Variants in NMBR observed in about 807,000 individuals in gnomAD.
NMBR encodes the protein neuromedin-B receptor.
Under a neutral mutation model 20.5 loss-of-function variants are expected in NMBR, and 16 were observed. That is an observed-to-expected ratio of 0.78 (90% CI 0.53 to 1.19). NMBR has a LOEUF of 1.19. NMBR is among the 50% of genes most tolerant of loss of function. The probability of loss-of-function intolerance (pLI) is 0.00; values close to 1 mark genes in which losing one functional copy is unlikely to be tolerated. For synonymous variants in NMBR, 212 were observed against 196.6 expected, an observed-to-expected ratio of 1.08 and a Z score of -0.65; for missense variants, 582 against 499.1, an observed-to-expected ratio of 1.17 and a Z score of -1.58.
chr6:142,116,606 C>T (rs1255939851), intron 1 of NMBR, among the ~76,000 whole-genome samples: 3 of 151,992 alleles, frequency 2.0e-5, no homozygotes, highest in African/African-American at 4.8e-5. Context: ...GTTCTGTCTA[C>T]CAAATTCAGG....
chr6:142,112,098 G>A (rs367940896), intron 1 of NMBR, among the ~76,000 whole-genome samples: 2 of 152,140 alleles, frequency 1.3e-5, no homozygotes, highest in African/African-American at 2.4e-5. Flanking sequence ...GGAGGCTGTC[G>A]GGAGAATCGC....
intron 1 of NMBR, among the ~76,000 whole-genome samples, chr6:142,099,758 C>A (rs1463253606): frequency 3.3e-5 from 5 of 152,112 alleles, no homozygotes; most frequent in African/African-American, 1.2e-4. Flanking sequence ...ACTGTCAAGA[C>A]AATAAGCAGG....
intron 1 of NMBR, among the ~76,000 whole-genome samples, chr6:142,107,153 T>C (rs1777677866): frequency 1.3e-5 from 2 of 152,156 alleles, no homozygotes; most frequent in Non-Finnish European, 2.9e-5. Context: ...GAAAGCCTAG[T>C]TTACCTGAGG....
intron 1 of NMBR, among the ~76,000 whole-genome samples, chr6:142,096,698 C>A (rs1272850873): frequency 3.9e-5 from 6 of 152,116 alleles, no homozygotes; most frequent in Non-Finnish European, 8.8e-5. Flanking sequence ...CTGCTTGGTG[C>A]AGAGCCGAGT....
At chr6:142,096,427 G>C (rs1281514902) in intron 1 of NMBR, among the ~76,000 whole-genome samples, 1 of 152,158 alleles carries the variant, frequency 6.6e-6, no homozygotes, top group East Asian at 1.9e-4. Flanking sequence ...AGTCATTCAG[G>C]AGTAGGTTGT....
intron 1 of NMBR, among the ~76,000 whole-genome samples, chr6:142,129,857 T>G (rs1456121039): frequency 6.6e-6 from 1 of 152,160 alleles, no homozygotes. Flanking sequence ...AATACGATTT[T>G]CATTGCCAGT....
intron 1 of NMBR, among the ~76,000 whole-genome samples, chr6:142,119,978 T>C (rs1039097439): frequency 6.6e-6 from 1 of 152,004 alleles, no homozygotes; most frequent in Admixed American, 6.6e-5. Context: ...TTGAAATCTG[T>C]TGGCTTAATT....
chr6:142,079,017 G>T (rs1382079710), intron 2 of NMBR, 114 bp from the exon 3 acceptor site: 3 of 523,564 alleles, frequency 5.7e-6, no homozygotes, highest in South Asian at 4.8e-5. Context: ...AGGAAGAAAG[G>T]GAGAGAGAGA....
intron 1 of NMBR, among the ~76,000 whole-genome samples, chr6:142,136,212 C>T (rs373149387): frequency 6.6e-6 from 1 of 152,074 alleles, no homozygotes; most frequent in Non-Finnish European, 1.5e-5. Flanking sequence ...ATGGTATCTC[C>T]TTGTGCTTTT....
chr6:142,075,716 C>A lies in NMBR; in HGVS notation c.1105G>T (p.Ala369Ser). The A allele has an allele frequency of 2.5e-6, 4 of 1,613,968 alleles. No individual in the cohort carries two copies. Among genetic ancestry groups the A allele is most frequent in the Non-Finnish European group, 3.4e-6 (4 of 1,179,886 alleles). The stretch of plus-strand genomic sequence containing the variant: ...ACAGAATTGGTCACCATGTTCTTAG[C>A]ATTGCTTTTCAGAGATGTCATACGC... ...AVRMTSLKSN[A>S]KNMVTNSVLL... The change falls in exon 4 of 4, where the codon GCT becomes TCT. Residue 369 changes from alanine (A) to serine (S), a missense_variant. Coordinates refer to ENST00000258042, the MANE Select transcript of NMBR (RefSeq NM_002511.4).
At chr6:142,102,504 A>G (rs775596932) in intron 1 of NMBR, among the ~76,000 whole-genome samples, 3 of 152,208 alleles carry the variant, frequency 2.0e-5, no homozygotes, top group Non-Finnish European at 2.9e-5. Context: ...CAAGAAGTAC[A>G]AGCAACTGCA....
intron 1 of NMBR, among the ~76,000 whole-genome samples, chr6:142,140,087 T>A (rs1778340077): frequency 6.6e-6 from 1 of 151,700 alleles, no homozygotes; most frequent in Non-Finnish European, 1.5e-5. Flanking sequence ...TGAAAATACA[T>A]CTATTATGAA....
intron 1 of NMBR, among the ~76,000 whole-genome samples, chr6:142,128,766 A>G (rs986896909): frequency 6.6e-6 from 1 of 151,816 alleles, no homozygotes; most frequent in Non-Finnish European, 1.5e-5. Context: ...TTGGTTTGCT[A>G]GTATTTTATG....
At chr6:142,144,753 T>C (rs1161791598) in intron 1 of NMBR, among the ~76,000 whole-genome samples, 1 of 152,094 alleles carries the variant, frequency 6.6e-6, no homozygotes, top group Non-Finnish European at 1.5e-5. Flanking sequence ...ATGAAAGGGT[T>C]AGCATATTTA....
At chr6:142,093,426 G>A (rs1030067027) in intron 1 of NMBR, among the ~76,000 whole-genome samples, 10 of 150,288 alleles carry the variant, frequency 6.7e-5, no homozygotes, top group African/African-American at 2.5e-4. Context: ...CCTTGCGATA[G>A]TTTGCTGAGA....
intron 1 of NMBR, 22 bp from the exon 2 acceptor site, chr6:142,089,343 A>G (rs1582841060): frequency 2.0e-5 from 3 of 152,290 alleles, no homozygotes; most frequent in South Asian, 4.1e-4. Context: ...AATTTAGGGG[A>G]AAAAAATGAG....
At chr6:142,114,209 A>T (rs968777148) in intron 1 of NMBR, among the ~76,000 whole-genome samples, 1 of 152,178 alleles carries the variant, frequency 6.6e-6, no homozygotes, top group African/African-American at 2.4e-5. Flanking sequence ...TTGGAAAAAT[A>T]AATTACCTTT....
chr6:142,127,474 T>C (rs1220558174), intron 1 of NMBR, among the ~76,000 whole-genome samples: 1 of 152,112 alleles, frequency 6.6e-6, no homozygotes, highest in Non-Finnish European at 1.5e-5. Context: ...ATTTGGGATC[T>C]TTTGTAGTTT....
chr6:142,117,750 T>C (rs1395001538), intron 1 of NMBR, among the ~76,000 whole-genome samples: 1 of 151,874 alleles, frequency 6.6e-6, no homozygotes, highest in African/African-American at 2.4e-5. Flanking sequence ...TATGAAAAAA[T>C]CGTACAAAAT....
Sources: gnomAD v4.1 joint callset for allele counts (sites outside exome capture counted in the v4.1 genomes callset) on GRCh38, gnomAD v4.1.1 for gene constraint, MANE v1.5 for transcripts, NCBI Gene and HGNC (gene_info 2026-07-23, HGNC 2026-07-21) for gene names.